CNTNAP2: variants seen among roughly 807,000 people sequenced by gnomAD.
The protein encoded by CNTNAP2 is contactin associated protein 2.
Under a neutral mutation model 155.2 loss-of-function variants are expected in CNTNAP2, and 98 were observed. That is an observed-to-expected ratio of 0.63 (90% confidence interval 0.54 to 0.75). CNTNAP2 has a LOEUF of 0.75. Ranked by LOEUF, CNTNAP2 falls within the 30% of genes least tolerant of loss-of-function variation. The probability of loss-of-function intolerance (pLI) is 0.00; values close to 1 mark genes in which losing one functional copy is unlikely to be tolerated. For synonymous variants in CNTNAP2, 651 were observed against 631.2 expected (o/e 1.03, Z -0.47); for missense variants, 1,727 against 1,688.1 (o/e 1.02, Z -0.40).
chr7:147,558,480 A>C (rs1584812068), intron 11 of CNTNAP2, among the ~76,000 whole-genome samples: 1 of 152,106 alleles, frequency 6.6e-6, no homozygotes, highest in East Asian at 1.9e-4. Flanking sequence ...CATAACTGCA[A>C]ATTCTCTACT....
At position 148,267,057 on chromosome 7, in the gene CNTNAP2, T is replaced by A; in HGVS notation, c.3406T>A (p.Tyr1136Asn). The A allele has an allele frequency of 6.2e-7, 1 of 1,614,176 alleles. No homozygotes were observed. Residue 1136 changes from tyrosine (Y) to asparagine (N), a missense_variant, in exon 21 of 24, where the codon TAC becomes AAC. Tyr to Asn is a moderately radical substitution (Grantham distance 143). Transcript: ENST00000361727. ...LKLDHYPSVS[Y>N]HLPSSSDTLF... ...GCTCGATCATTATCCTTCTGTGAGT[T>A]ACCATCTGCCAAGTTCATCCGACAC...
chr7:148,413,403 T>TAA lies in CNTNAP2; in HGVS notation c.3797-2013_3797-2012insAA, dbSNP rs1563079419. Among the ~76,000 whole-genome samples, 23 of 9,172 alleles carry TAA rather than the reference T, an allele frequency of 2.5e-3. 1 individual carries two copies. Among genetic ancestry groups the TAA allele is most frequent in the African/African-American group, 5.3e-3 (19 of 3,552 alleles). The allele number at this position is 9,172 out of a possible 152,430, so 6.0% of individuals were successfully genotyped here. On this transcript the variant is annotated intron_variant, in intron 23 of 23. Transcript: ENST00000361727. ...GTGAAACTCCGTCTCAAAAAAAAAA[T>TAA]ATATATATATATATATATATATATA...
chr7:146,851,144 C>G (rs1051576884), intron 3 of CNTNAP2, among the ~76,000 whole-genome samples: 11 of 152,186 alleles, frequency 7.2e-5, no homozygotes, highest in African/African-American at 2.6e-4. Flanking sequence ...GCCACCACAC[C>G]CGGCTAATTT....
At chr7:147,176,435 T>C (rs1201937768) in intron 8 of CNTNAP2, among the ~76,000 whole-genome samples, 1 of 151,812 alleles carries the variant, frequency 6.6e-6, no homozygotes, top group East Asian at 1.9e-4. Context: ...AATTTAGATA[T>C]TGTGCAGATG....
intron 4 of CNTNAP2, among the ~76,000 whole-genome samples, chr7:147,062,797 A>G (rs1395576758): frequency 6.6e-6 from 1 of 152,160 alleles, no homozygotes; most frequent in African/African-American, 2.4e-5. Flanking sequence ...TCTGAAATGA[A>G]TTTTATTATC....
chr7:146,317,714 C>T (rs1461170803), intron 1 of CNTNAP2, among the ~76,000 whole-genome samples: 1 of 152,184 alleles, frequency 6.6e-6, no homozygotes, highest in African/African-American at 2.4e-5. Context: ...ATTACTGATG[C>T]TGTCATATTG....
At chr7:146,192,602 C>T (rs1374639775) in intron 1 of CNTNAP2, among the ~76,000 whole-genome samples, 1 of 152,076 alleles carries the variant, frequency 6.6e-6, no homozygotes, top group Non-Finnish European at 1.5e-5. Flanking sequence ...ATGGGAAAGA[C>T]CCACCCCCAT....
At chr7:146,647,464 C>G (rs1220119944) in intron 1 of CNTNAP2, among the ~76,000 whole-genome samples, 1 of 152,072 alleles carries the variant, frequency 6.6e-6, no homozygotes, top group Non-Finnish European at 1.5e-5. Flanking sequence ...ATATAATATT[C>G]AAACTTCTCT....
chr7:146,720,977 A>ACT (rs1459391976), intron 1 of CNTNAP2, among the ~76,000 whole-genome samples: 8 of 104,418 alleles, frequency 7.7e-5, no homozygotes, highest in African/African-American at 4.1e-4. Context: ...ATATATATAG[A>ACT]CTATATATAC....
chr7:147,964,517 C>T (rs1801170834), intron 14 of CNTNAP2, among the ~76,000 whole-genome samples: 1 of 152,072 alleles, frequency 6.6e-6, no homozygotes, highest in Admixed American at 6.6e-5. Flanking sequence ...CCTTCTGGAT[C>T]CTCACAGGAG....
At chr7:146,838,072 G>A (rs1247240487) in intron 2 of CNTNAP2, among the ~76,000 whole-genome samples, 1 of 152,084 alleles carries the variant, frequency 6.6e-6, no homozygotes, top group Admixed American at 6.5e-5. Flanking sequence ...TGCCCTCTCT[G>A]GGACTCTGTC....
chr7:147,354,606 C>A (rs1302181873), intron 9 of CNTNAP2, among the ~76,000 whole-genome samples: 1 of 151,970 alleles, frequency 6.6e-6, no homozygotes, highest in African/African-American at 2.4e-5. Context: ...TTAGAATTGT[C>A]TTGGCTACAT....
intron 9 of CNTNAP2, among the ~76,000 whole-genome samples, chr7:147,383,550 C>T (rs1016179162): frequency 2.6e-5 from 4 of 152,000 alleles, no homozygotes; most frequent in African/African-American, 7.2e-5. Context: ...CGTTCTCACT[C>T]ATAAGTGGGA....
At chr7:147,810,234 T>G (rs958437782) in intron 13 of CNTNAP2, among the ~76,000 whole-genome samples, 1 of 150,856 alleles carries the variant, frequency 6.6e-6, no homozygotes, top group African/African-American at 2.4e-5. Flanking sequence ...TATAGATATA[T>G]ATCAATAATA....
intron 15 of CNTNAP2, among the ~76,000 whole-genome samples, chr7:148,078,343 C>T (rs1215287336): frequency 0.025 from 4 of 160 alleles, no homozygotes; most frequent in East Asian, 0.12. Flanking sequence ...CGATTACAGG[C>T]GTTGAGCAAG....
At chr7:146,370,538 G>A (rs1340588692) in intron 1 of CNTNAP2, among the ~76,000 whole-genome samples, 5 of 151,892 alleles carry the variant, frequency 3.3e-5, no homozygotes, top group African/African-American at 4.8e-5. Context: ...ACAAGATGTC[G>A]AGACTTTGTA....
intron 1 of CNTNAP2, among the ~76,000 whole-genome samples, chr7:146,248,892 C>A (rs1799710607): frequency 6.6e-6 from 1 of 151,988 alleles, no homozygotes. Context: ...TGGGTGCAGG[C>A]AGGCTGAGTC....
chr7:147,598,707 T>C (rs994708597), intron 12 of CNTNAP2, among the ~76,000 whole-genome samples: 1 of 152,174 alleles, frequency 6.6e-6, no homozygotes, highest in Non-Finnish European at 1.5e-5. Context: ...CCCACCCAAA[T>C]CTCATCTTGA....
At chr7:147,321,889 G>A (rs966988951) in intron 9 of CNTNAP2, among the ~76,000 whole-genome samples, 3 of 152,186 alleles carry the variant, frequency 2.0e-5, no homozygotes, top group East Asian at 1.9e-4. Context: ...TACAAACTAT[G>A]GTATGAGTTT....
Sources: gnomAD v4.1 joint callset for allele counts (sites outside exome capture counted in the v4.1 genomes callset) on GRCh38, gnomAD v4.1.1 for gene constraint, MANE v1.5 for transcripts, NCBI Gene and HGNC (gene_info 2026-07-23, HGNC 2026-07-21) for gene names.